CNTN5: variants seen among roughly 807,000 people sequenced by gnomAD.
CNTN5 encodes the protein contactin 5, also known as contactin-5.
A neutral mutation model predicts 129.1 loss-of-function variants in CNTN5; 77 were observed. The observed-to-expected ratio is 0.60, with a 90% CI of 0.50 to 0.72. CNTN5 has a LOEUF of 0.72. Ranked by LOEUF, CNTN5 falls within the 30% of genes least tolerant of loss-of-function variation. CNTN5 has a pLI of 0.00. For synonymous variants in CNTN5, 509 were observed against 465.6 expected, an observed-to-expected ratio of 1.09 and a Z score of -1.20; for missense variants, 1,478 against 1,328.8, an observed-to-expected ratio of 1.11 and a Z score of -1.75.
chr11:99,466,531 A>G (rs943345573), intron 2 of CNTN5, among the ~76,000 whole-genome samples: 7 of 151,820 alleles, frequency 4.6e-5, no homozygotes, highest in African/African-American at 1.4e-4. Flanking sequence ...AAAGACTGCA[A>G]AGAGAGGCAA....
At chr11:99,687,521 A>G (rs1953847392) in intron 3 of CNTN5, among the ~76,000 whole-genome samples, 2 of 152,218 alleles carry the variant, frequency 1.3e-5, no homozygotes, top group African/African-American at 4.8e-5. Context: ...CTCAAAGGTC[A>G]AGGCCAGAAG....
chr11:99,945,257 C>A (rs1454268455), intron 7 of CNTN5, among the ~76,000 whole-genome samples: 1 of 152,030 alleles, frequency 6.6e-6, no homozygotes, highest in East Asian at 1.9e-4. Flanking sequence ...TGCAGAGCAA[C>A]ATATACTATA....
intron 2 of CNTN5, among the ~76,000 whole-genome samples, chr11:99,509,438 A>G (rs902738829): frequency 6.6e-6 from 1 of 152,204 alleles, no homozygotes; most frequent in African/African-American, 2.4e-5. Context: ...CAAAATAGAA[A>G]TGGTGAATTC....
intron 13 of CNTN5, among the ~76,000 whole-genome samples, chr11:100,077,457 C>A (rs1262305167): frequency 2.6e-5 from 4 of 151,974 alleles, no homozygotes; most frequent in Admixed American, 2.0e-4. Flanking sequence ...CAGCAAATGG[C>A]AGTTTCTGTA....
rs1489631309 is a variant in CNTN5 at position 99,284,952 on chromosome 11, T to G, written c.-209-40394T>G. On this transcript the variant is annotated intron_variant, in intron 1 of 24. Transcript: ENST00000524871. ...TAATTGTTTTTCATAAATTCATCGT[T>G]AAAAATATATCGGACACTTTTTGCT... 2.6e-5 allele frequency among the ~76,000 whole-genome samples: 4 copies of G among 152,162 alleles called. 1 individual carries two copies. Among genetic ancestry groups the G allele is most frequent in the Non-Finnish European group, 5.9e-5 (4 of 68,024 alleles).
At chr11:99,638,119 C>T (rs922782576) in intron 3 of CNTN5, among the ~76,000 whole-genome samples, 3 of 152,098 alleles carry the variant, frequency 2.0e-5, no homozygotes, top group Admixed American at 2.0e-4. Flanking sequence ...TTCCACGTAC[C>T]TTGTGAGGCC....
Position 99,312,169 on chromosome 11 carries a change from A to G in CNTN5, c.-209-13177A>G, listed in dbSNP as rs1385512662. Among the ~76,000 whole-genome samples, 5 of 152,214 alleles carry G rather than the reference A, an allele frequency of 3.3e-5. No individual in the cohort carries two copies. The East Asian group carries it at 7.7e-4, about 23-fold the overall frequency. ...TTTTGCATCAATCCAACAACAAAGC[A>G]AAACAAAAAATAAATTAAATAATAC... On this transcript the variant is annotated intron_variant, in intron 1 of 24. Coordinates refer to ENST00000524871, the MANE Select transcript of CNTN5 (RefSeq NM_014361.4).
At chr11:100,002,564 T>G (rs1391574073) in intron 9 of CNTN5, among the ~76,000 whole-genome samples, 1 of 152,166 alleles carries the variant, frequency 6.6e-6, no homozygotes, top group African/African-American at 2.4e-5. Context: ...AATAGTTACA[T>G]AGTGATCCTG....
At chr11:100,122,111 G>C (rs1271872802) in intron 13 of CNTN5, among the ~76,000 whole-genome samples, 1 of 152,008 alleles carries the variant, frequency 6.6e-6, no homozygotes, top group Non-Finnish European at 1.5e-5. Context: ...GGAGACCCTG[G>C]GATGCCAGTA....
chr11:99,794,474 G>A (rs1388579877), intron 3 of CNTN5, among the ~76,000 whole-genome samples: 3 of 152,048 alleles, frequency 2.0e-5, no homozygotes, highest in Admixed American at 6.6e-5. Flanking sequence ...GTGTTTGTTA[G>A]CTGGGTTATT....
intron 6 of CNTN5, among the ~76,000 whole-genome samples, chr11:99,893,509 A>C (rs1231643213): frequency 1.3e-5 from 2 of 152,182 alleles, no homozygotes; most frequent in African/African-American, 4.8e-5. Context: ...GCACCCACTA[A>C]ATGGCAGACA....
At chr11:99,402,548 T>C (rs1294595546) in intron 2 of CNTN5, among the ~76,000 whole-genome samples, 1 of 152,180 alleles carries the variant, frequency 6.6e-6, no homozygotes, top group Non-Finnish European at 1.5e-5. Context: ...TTTTTAAATT[T>C]GTTTTTGTCT....
At chr11:100,001,960 A>G (rs914857783) in intron 8 of CNTN5, 74 bp from the exon 9 acceptor site, 33 of 1,050,594 alleles carry the variant, frequency 3.1e-5, no homozygotes, top group South Asian at 1.1e-4. Flanking sequence ...GTGATTTTCA[A>G]TGTAACATCT....
chr11:99,996,525 C>T (rs1276604593), intron 8 of CNTN5, among the ~76,000 whole-genome samples: 2 of 152,106 alleles, frequency 1.3e-5, no homozygotes, highest in Admixed American at 6.6e-5. Context: ...TATTTCTGGT[C>T]ACTTCCCATC....
chr11:100,043,791 C>T (rs905409417), intron 9 of CNTN5, among the ~76,000 whole-genome samples: 2 of 152,142 alleles, frequency 1.3e-5, no homozygotes, highest in African/African-American at 4.8e-5. Flanking sequence ...TGACTATGTT[C>T]TCTTAATACT....
intron 2 of CNTN5, among the ~76,000 whole-genome samples, chr11:99,351,147 AC>A (rs1008057348): frequency 6.6e-6 from 1 of 152,118 alleles, no homozygotes; most frequent in African/African-American, 2.4e-5. Flanking sequence ...TACACATGTA[AC>A]CCAGAACTTA....
At chr11:99,076,951 A>G (rs1414189857) in intron 1 of CNTN5, among the ~76,000 whole-genome samples, 3 of 152,124 alleles carry the variant, frequency 2.0e-5, no homozygotes, top group African/African-American at 7.2e-5. Context: ...TCTGCTTCCA[A>G]CCAAACCAAT....
chr11:99,311,184 C>G (rs1865099502), intron 1 of CNTN5, among the ~76,000 whole-genome samples: 1 of 152,160 alleles, frequency 6.6e-6, no homozygotes. Flanking sequence ...GCCTCGGCCT[C>G]TCAAAGTGCT....
chr11:100,288,850 A>G (rs10894712), intron 18 of CNTN5, among the ~76,000 whole-genome samples: 53,043 of 145,932 alleles, frequency 0.36, 7,799 homozygotes, highest in Non-Finnish European at 0.47. Context: ...AACAAAATTG[A>G]TAGACCGCTA....
Sources: gnomAD v4.1 joint callset for allele counts (sites outside exome capture counted in the v4.1 genomes callset) on GRCh38, gnomAD v4.1.1 for gene constraint, MANE v1.5 for transcripts, NCBI Gene and HGNC (gene_info 2026-07-23, HGNC 2026-07-21) for gene names.